AFF3: variants seen among roughly 807,000 people sequenced by gnomAD.
AFF3 encodes the protein AF4/FMR2 family member 3.
Under a neutral mutation model 129.7 loss-of-function variants are expected in AFF3, and 32 were observed. The observed-to-expected ratio is 0.25, with a 90% CI of 0.19 to 0.33. AFF3 has a LOEUF of 0.33. AFF3 is among the 10% of genes least tolerant of loss of function. The pLI is 1.00. For synonymous variants in AFF3, 644 were observed against 635.4 expected, an observed-to-expected ratio of 1.01 and a Z score of -0.20; for missense variants, 1,373 against 1,592.0, an observed-to-expected ratio of 0.86 and a Z score of 2.34.
At chr2:99,883,584 T>C (rs1692887265) in intron 7 of AFF3, among the ~76,000 whole-genome samples, 1 of 152,268 alleles carries the variant, frequency 6.6e-6, no homozygotes, top group South Asian at 2.1e-4. Context: ...GGAGAACTAC[T>C]ACATTCCTCA....
chr2:99,955,306 T>G (rs187840355), intron 7 of AFF3, among the ~76,000 whole-genome samples: 2 of 147,308 alleles, frequency 1.4e-5, no homozygotes, highest in East Asian at 1.9e-4. Context: ...ATAAAATATA[T>G]AGAGTATTCT....
At chr2:99,849,936 C>G (rs903353859) in intron 7 of AFF3, among the ~76,000 whole-genome samples, 1 of 152,122 alleles carries the variant, frequency 6.6e-6, no homozygotes, top group Non-Finnish European at 1.5e-5. Context: ...TCAGCATGTC[C>G]TATATGCTAA....
At position 99,578,222 on chromosome 2, in the gene AFF3, G is replaced by T. The variant is rs539738908; in HGVS notation, c.2918+105C>A. On this transcript the variant is annotated intron_variant, in intron 18 of 24. Coordinates refer to ENST00000672756, the MANE Select transcript of AFF3 (RefSeq NM_001386135.1). ...CCAAGTCCCAGGGGAAAAAAAGGCC[G>T]CACTGTAGCTGAAGGTGGCCACACC... is the stretch of plus-strand genomic sequence containing the variant. The T allele has an allele frequency of 2.2e-5, 31 of 1,429,282 alleles. No homozygotes were observed. The African/African-American group carries it at 3.8e-4, about 18-fold the overall frequency. 88.5% of individuals were successfully genotyped at this position (1,429,282 alleles called of 1,614,324 possible). A position where few individuals can be genotyped will look rare whatever the true frequency, so the allele number is the denominator to read the frequency against.
At position 99,569,347 on chromosome 2, in the gene AFF3, A is replaced by G. The variant is rs529517394; in HGVS notation, c.2919-432T>C. ...TATATTTATGTATCCTTATGAAAAT[A>G]AGTGTCATTTATATGCATATCTAGT... On this transcript the variant is annotated intron_variant, in intron 18 of 24. Coordinates refer to ENST00000672756, the MANE Select transcript of AFF3 (RefSeq NM_001386135.1). Among the ~76,000 whole-genome samples, 118 of 152,336 alleles carry G rather than the reference A, an allele frequency of 7.7e-4. 1 individual carries two copies. The highest frequency in any genetic ancestry group is 2.8e-3 in the African/African-American group (115 of 41,580).
intron 4 of AFF3, among the ~76,000 whole-genome samples, chr2:100,024,857 G>C (rs1044261700): frequency 3.9e-5 from 6 of 152,068 alleles, no homozygotes; most frequent in African/African-American, 1.4e-4. Context: ...AAATGTGTGT[G>C]CATTTATAGA....
At chr2:99,956,321 C>A (rs1576426240) in intron 7 of AFF3, among the ~76,000 whole-genome samples, 2 of 152,164 alleles carry the variant, frequency 1.3e-5, no homozygotes, top group East Asian at 3.9e-4. Context: ...CTGGGGCCCT[C>A]CTTTATTGAC....
chr2:99,862,814 A>G (rs1243951075), intron 7 of AFF3, among the ~76,000 whole-genome samples: 11 of 152,266 alleles, frequency 7.2e-5, no homozygotes, highest in African/African-American at 2.7e-4. Context: ...CTAGTGCCAG[A>G]CACCAAAAGG....
rs74615998 is a variant in AFF3 at position 99,634,061 on chromosome 2, T to C, written c.1184+15565A>G. On this transcript the variant is annotated intron_variant, in intron 13 of 24. Coordinates refer to ENST00000672756, the MANE Select transcript of AFF3 (RefSeq NM_001386135.1). ...TCCCGAGTAGCTGGGATTACAGGCA[T>C]GTGCCACCATGCCCAGCTAATTTTT... 1.2e-3 allele frequency among the ~76,000 whole-genome samples: 180 copies of C among 152,088 alleles called. 1 individual carries two copies. In the East Asian group the frequency reaches 0.032, roughly 27 times the overall value.
chr2:99,895,794 C>T (rs535873842), intron 7 of AFF3, among the ~76,000 whole-genome samples: 56 of 152,202 alleles, frequency 3.7e-4, no homozygotes, highest in African/African-American at 1.1e-3. Context: ...CTCGGATGGG[C>T]GTGGTGGCTC....
intron 10 of AFF3, among the ~76,000 whole-genome samples, chr2:99,739,245 A>G (rs1680516691): frequency 6.6e-6 from 1 of 152,006 alleles, no homozygotes; most frequent in Non-Finnish European, 1.5e-5. Context: ...CACCACCACT[A>G]AAACTTGTTC....
intron 11 of AFF3, among the ~76,000 whole-genome samples, chr2:99,687,854 A>T (rs1675221636): frequency 2.0e-5 from 3 of 152,040 alleles, no homozygotes; most frequent in Admixed American, 2.0e-4. Flanking sequence ...TGATAACGTA[A>T]GTCCATTTGA....
chr2:100,013,626 A>G (rs1320380530), intron 4 of AFF3, among the ~76,000 whole-genome samples: 1 of 152,164 alleles, frequency 6.6e-6, no homozygotes, highest in Non-Finnish European at 1.5e-5. Context: ...AGTAGTGAGA[A>G]GTAGTTAACA....
intron 8 of AFF3, among the ~76,000 whole-genome samples, 155 bp downstream of exon 8, chr2:99,837,322 A>T (rs1268117030): frequency 6.6e-6 from 1 of 152,174 alleles, no homozygotes; most frequent in Non-Finnish European, 1.5e-5. Context: ...GATTGTTAAC[A>T]GAAGTGTTGT....
rs775211684 is a variant in AFF3 at position 99,593,565 on chromosome 2, G to A, written c.2096C>T (p.Ser699Phe). 9.3e-6 allele frequency: 15 copies of A among 1,613,204 alleles called. No homozygotes were observed. Among genetic ancestry groups the A allele is most frequent in the Non-Finnish European group, 1.2e-5 (14 of 1,179,972 alleles). ...PLSKAQTVAASASSGNDQRLK... is the reference protein window; with the variant it reads ...PLSKAQTVAAFASSGNDQRLK... ...CCTCTGATCATTCCCGGAGGAGGCA[G>A]AGGCAGCCACGGTCTGTGCTTTGGA... The change falls in exon 15 of 25, where the codon TCT (serine) becomes TTT (phenylalanine). Residue 699 changes from serine (S) to phenylalanine (F), a missense_variant. This residue lies in a region of AFF3 where 466 missense variants were observed against 505.0 expected (regional missense o/e 0.92). Transcript: ENST00000672756.
intron 19 of AFF3, 34 bp from the exon 20 acceptor site, chr2:99,565,657 A>C: frequency 6.3e-7 from 1 of 1,591,522 alleles, no homozygotes; most frequent in Non-Finnish European, 8.6e-7. Context: ...GTCTTCCTAA[A>C]CAATAGTTTT....
At chr2:99,832,770 C>T (rs374076213) in intron 8 of AFF3, among the ~76,000 whole-genome samples, 2 of 152,196 alleles carry the variant, frequency 1.3e-5, no homozygotes, top group Non-Finnish European at 2.9e-5. Context: ...CTCTAGCCCT[C>T]CATCGGGCTG....
At chr2:99,685,074 G>C (rs1674923502) in intron 11 of AFF3, among the ~76,000 whole-genome samples, 1 of 151,922 alleles carries the variant, frequency 6.6e-6, no homozygotes, top group Non-Finnish European at 1.5e-5. Context: ...AAGTAGCTGG[G>C]ATTACAGGTG....
At chr2:99,709,260 A>ATT (rs1677685257) in intron 11 of AFF3, among the ~76,000 whole-genome samples, 1 of 152,220 alleles carries the variant, frequency 6.6e-6, no homozygotes, top group South Asian at 2.1e-4. Context: ...ACTGGGTTCA[A>ATT]ACCCTAGCTC....
chr2:99,880,089 A>G (rs967478860), intron 7 of AFF3, among the ~76,000 whole-genome samples: 2 of 152,216 alleles, frequency 1.3e-5, no homozygotes, highest in Non-Finnish European at 2.9e-5. Context: ...GGTAAGACAG[A>G]TTTAAAATAG....
Sources: gnomAD v4.1 joint callset for allele counts (sites outside exome capture counted in the v4.1 genomes callset) on GRCh38, gnomAD v4.1.1 for gene constraint, gnomAD v4.1.1 regional missense constraint, MANE v1.5 for transcripts, NCBI Gene and HGNC (gene_info 2026-07-23, HGNC 2026-07-21) for gene names.